The following JAKMIP1 variants were observed in gnomAD, a reference collection of about 807,000 sequenced individuals.
JAKMIP1 encodes the protein janus kinase and microtubule interacting protein 1, also known as janus kinase and microtubule-interacting protein 1.
Under a neutral mutation model 113.0 loss-of-function variants are expected in JAKMIP1, and 33 were observed. That is an observed-to-expected ratio of 0.29 (90% CI 0.22 to 0.39). The LOEUF is 0.39. Ranked by LOEUF, JAKMIP1 falls within the 10% of genes least tolerant of loss-of-function variation. JAKMIP1 has a pLI of 1.00. For missense variants in JAKMIP1, 813 were observed against 1,080.5 expected, an observed-to-expected ratio of 0.75 and a Z score of 3.47; for synonymous variants, 480 against 459.9, an observed-to-expected ratio of 1.04 and a Z score of -0.56.
rs1055909714 is a variant in JAKMIP1 at position 6,049,751 on chromosome 4, A to G, written c.1962+68T>C. The G allele has an allele frequency of 1.7e-6, 2 of 1,196,308 alleles. No individual in the cohort carries two copies. Among genetic ancestry groups the G allele is most frequent in the African/African-American group, 1.5e-5 (1 of 66,034 alleles). 74.1% of individuals were successfully genotyped at this position (1,196,308 alleles called of 1,614,324 possible). ...GAGAAATTAAAAACAAAACAAAACA[A>G]AAGTCACACAGAATACACCCAGATC... is the stretch of plus-strand genomic sequence containing the variant. On this transcript the variant is annotated intron_variant, in intron 15 of 20. Transcript: ENST00000409021. The surrounding 1 kb of genome is among the most constrained non-coding windows in gnomAD (Gnocchi z 7.0).
chr4:6,088,118 G>A lies in JAKMIP1; in HGVS notation c.625-2489C>T, dbSNP rs1318972942. 6.6e-6 allele frequency among the ~76,000 whole-genome samples: 1 copy of A among 152,218 alleles called. No individual in the cohort carries two copies. Among genetic ancestry groups the A allele is most frequent in the African/African-American group, 2.4e-5 (1 of 41,458 alleles). On this transcript the variant is annotated intron_variant, in intron 3 of 20. Transcript: ENST00000409021. This position sits in a 1 kb window ranked among gnomAD's most constrained non-coding sequence, Gnocchi z 5.5. ...TCATTAACTCAACACATGCTGAGCT[G>A]AGCGCTATCAGTGGGTGCTGAGAAA...
At chr4:6,112,392 C>A (rs889358898) in intron 2 of JAKMIP1, among the ~76,000 whole-genome samples, 1 of 152,186 alleles carries the variant, frequency 6.6e-6, no homozygotes, top group Non-Finnish European at 1.5e-5. Flanking sequence ...GGGGACTGCC[C>A]CATCCTCGAA....
chr4:6,123,792 G>A (rs954695991), intron 1 of JAKMIP1, among the ~76,000 whole-genome samples: 1 of 152,166 alleles, frequency 6.6e-6, no homozygotes, highest in African/African-American at 2.4e-5. Context: ...CTGCACTCCA[G>A]CCTGGGCGAC....
At chr4:6,096,974 G>T (rs1368172084) in intron 3 of JAKMIP1, among the ~76,000 whole-genome samples, 2 of 152,178 alleles carry the variant, frequency 1.3e-5, no homozygotes, top group African/African-American at 2.4e-5. Flanking sequence ...GTCTGGGGTT[G>T]TTTGGCATCA....
chr4:6,107,045 G>A (rs1214657955), intron 2 of JAKMIP1, among the ~76,000 whole-genome samples: 1 of 152,048 alleles, frequency 6.6e-6, no homozygotes, highest in Non-Finnish European at 1.5e-5. Context: ...AACCAACCCA[G>A]GCAAACACAC....
chr4:6,111,389 T>C (rs995095833), intron 2 of JAKMIP1, among the ~76,000 whole-genome samples: 3 of 152,198 alleles, frequency 2.0e-5, no homozygotes, highest in Admixed American at 1.3e-4. Context: ...GCAGCTCCTC[T>C]CTGGGCTCAC....
chr4:6,050,738 T>C lies in JAKMIP1; in HGVS notation c.1807-59A>G, dbSNP rs1049928409. On this transcript the variant is annotated intron_variant, in intron 13 of 20. Transcript: ENST00000409021. The surrounding 1 kb of genome is among the most constrained non-coding windows in gnomAD (Gnocchi z 7.4). ...GACCGGATTATTTACCACTTGCCAT[T>C]TTCCCACGTTACTCAGCAAAAACCA... 1.5e-6 allele frequency: 2 copies of C among 1,359,410 alleles called. No homozygotes were observed. The highest frequency in any genetic ancestry group is 2.9e-5 in the African/African-American group (2 of 68,908). The allele number at this position is 1,359,410 out of a possible 1,614,324, so 84.2% of individuals were successfully genotyped here.
At chr4:6,146,576 G>A (rs969938833) in intron 1 of JAKMIP1, among the ~76,000 whole-genome samples, 1 of 152,186 alleles carries the variant, frequency 6.6e-6, no homozygotes, top group Non-Finnish European at 1.5e-5. Context: ...CTACAGGCAT[G>A]AGCCACTGTG....
Position 6,142,281 on chromosome 4 carries a change from G to A in JAKMIP1, c.-147-29284C>T, listed in dbSNP as rs1292466283. Among the ~76,000 whole-genome samples the A allele has an allele frequency of 6.6e-6, 1 of 152,086 alleles. No homozygotes were observed. Among genetic ancestry groups the A allele is most frequent in the Non-Finnish European group, 1.5e-5 (1 of 68,024 alleles). ...TCCCTTTCCAATTCACTGGCCAAACGCTGCAAAGTTTCGAAGAGGCTCGTA... is the reference window on the plus strand; with the variant it reads ...TCCCTTTCCAATTCACTGGCCAAACACTGCAAAGTTTCGAAGAGGCTCGTA... On this transcript the variant is annotated intron_variant, in intron 1 of 20. Transcript: ENST00000409021. The surrounding 1 kb of genome is among the most constrained non-coding windows in gnomAD (Gnocchi z 5.5).
intron 1 of JAKMIP1, among the ~76,000 whole-genome samples, chr4:6,148,987 G>A (rs1721219192): frequency 6.6e-6 from 1 of 152,178 alleles, no homozygotes; most frequent in Admixed American, 6.5e-5. Flanking sequence ...TGCCAAGGTG[G>A]TGCCACGGAT....
chr4:6,055,928 C>A (rs777531255), intron 12 of JAKMIP1, among the ~76,000 whole-genome samples: 8 of 149,640 alleles, frequency 5.3e-5, no homozygotes, highest in Non-Finnish European at 1.0e-4. Flanking sequence ...TGCAGAGTGT[C>A]CCCAGAGGTC....
intron 12 of JAKMIP1, among the ~76,000 whole-genome samples, chr4:6,054,512 C>T (rs1716080786): frequency 6.6e-6 from 1 of 152,216 alleles, no homozygotes. Context: ...GAGTGCCACA[C>T]CCAAAGCCTG....
chr4:6,111,577 A>G (rs1015508844), intron 2 of JAKMIP1, among the ~76,000 whole-genome samples: 6 of 152,252 alleles, frequency 3.9e-5, no homozygotes, highest in African/African-American at 1.4e-4. Context: ...AGCTGGTGTC[A>G]GATGAGAAGA....
At chr4:6,126,668 C>A (rs1202479728) in intron 1 of JAKMIP1, among the ~76,000 whole-genome samples, 1 of 149,448 alleles carries the variant, frequency 6.7e-6, no homozygotes, top group Non-Finnish European at 1.5e-5. Flanking sequence ...ACATGCCCCC[C>A]CCACACACAC....
chr4:6,193,025 G>A lies in JAKMIP1; in HGVS notation c.-148+7228C>T, dbSNP rs749236726. On this transcript the variant is annotated intron_variant, in intron 1 of 20. Transcript: ENST00000409021. The surrounding 1 kb of genome is among the most constrained non-coding windows in gnomAD (Gnocchi z 6.4). ...ACTGGGAGAGGCAGACCCACCCTCA[G>A]TGTGGGTGGGCACCATCTAATCGGC... Among the ~76,000 whole-genome samples, 4 of 152,198 alleles carry A rather than the reference G, an allele frequency of 2.6e-5. No homozygotes were observed. Among genetic ancestry groups the A allele is most frequent in the Non-Finnish European group, 1.5e-5 (1 of 68,040 alleles).
In JAKMIP1 at chr4:6,035,956, A is replaced by G. The variant is rs879080448; in HGVS notation, c.2327T>C (p.Phe776Ser). The change falls in exon 19 of 21, where the codon TTC (phenylalanine) becomes TCC (serine). Residue 776 changes from phenylalanine (F) to serine (S), a missense_variant. Phe to Ser is a radical substitution (Grantham distance 155, BLOSUM62 -2). Transcript: ENST00000409021. ...GCGCTCCCGCAGGATCTGGCTGTCG[A>G]ACTCGCGGCTCTGCCTGAGGATCTG... ...RRQILRQSREFDSQILRERME... is the reference protein window; with the variant it reads ...RRQILRQSRESDSQILRERME... The G allele has an allele frequency of 6.4e-7, 1 of 1,551,282 alleles. No homozygotes were observed. The highest frequency in any genetic ancestry group is 8.7e-7 in the Non-Finnish European group (1 of 1,146,958).
intron 2 of JAKMIP1, among the ~76,000 whole-genome samples, chr4:6,109,306 T>C (rs925287890): frequency 6.6e-6 from 1 of 151,924 alleles, no homozygotes; most frequent in Non-Finnish European, 1.5e-5. Flanking sequence ...CTAATTTTTT[T>C]ATATTTTTAG....
rs1722324517 is a variant in JAKMIP1 at position 6,093,224 on chromosome 4, G to A, written c.625-7595C>T. ...TGATCACATCCTCTTCTTTGTTGCT[G>A]CCTCTTTGGCTTGCATGGTCCTATT... On this transcript the variant is annotated intron_variant, in intron 3 of 20. Transcript: ENST00000409021. This position sits in a 1 kb window ranked among gnomAD's most constrained non-coding sequence, Gnocchi z 4.6. Among the ~76,000 whole-genome samples, 2 of 152,138 alleles carry A rather than the reference G, an allele frequency of 1.3e-5. No homozygotes were observed. Among genetic ancestry groups the A allele is most frequent in the Non-Finnish European group, 1.5e-5 (1 of 68,038 alleles).
In JAKMIP1 at chr4:6,186,897, G is replaced by A. The variant is rs1246624599; in HGVS notation, c.-148+13356C>T. 3.3e-5 allele frequency among the ~76,000 whole-genome samples: 5 copies of A among 152,186 alleles called. No homozygotes were observed. The South Asian group carries it at 6.2e-4, about 19-fold the overall frequency. ...AGCTGGAGTGCAGTGGTGCAATCAC[G>A]GCTCACTGCAGCCTCAACCTCCCCA... On this transcript the variant is annotated intron_variant, in intron 1 of 20. Transcript: ENST00000409021. This position sits in a 1 kb window ranked among gnomAD's most constrained non-coding sequence, Gnocchi z 5.5.
Sources: gnomAD v4.1 joint callset for allele counts (sites outside exome capture counted in the v4.1 genomes callset) on GRCh38, gnomAD v4.1.1 for gene constraint, Gnocchi (gnomAD v3.1) non-coding constraint, MANE v1.5 for transcripts, NCBI Gene and HGNC (gene_info 2026-07-23, HGNC 2026-07-21) for gene names.